PRDM16: variants seen among roughly 807,000 people sequenced by gnomAD.
PRDM16 encodes histone-lysine N-methyltransferase PRDM16.
PRDM16 carries 23 observed loss-of-function variants against 110.6 expected under a neutral mutation model. That is an observed-to-expected ratio of 0.21 (90% CI 0.15 to 0.29). The LOEUF is 0.29. Ranked by LOEUF, PRDM16 falls within the 10% of genes least tolerant of loss-of-function variation. The pLI, the probability that PRDM16 is intolerant of heterozygous loss-of-function variation, is 1.00. For missense variants in PRDM16, 1,615 were observed against 1,794.3 expected (o/e 0.90, Z 1.81); for synonymous variants, 799 against 781.8 (o/e 1.02, Z -0.37).
chr1:3,366,433 A>G (rs1314677765), intron 3 of PRDM16, among the ~76,000 whole-genome samples: 1 of 151,616 alleles, frequency 6.6e-6, no homozygotes, highest in East Asian at 1.9e-4. Context: ...ATGCCGGGAC[A>G]CTCTCTTCCC....
chr1:3,289,606 G>A (rs1459279393), intron 3 of PRDM16, among the ~76,000 whole-genome samples: 1 of 152,232 alleles, frequency 6.6e-6, no homozygotes, highest in Non-Finnish European at 1.5e-5. Context: ...AGCAAGGCCT[G>A]CGGGCAGGTC....
rs1384237990 is a variant in PRDM16, at chr1:3,385,618, C to CGCTT, written c.573+333_573+336dup. ...CAGGGTCCACACTTCCTGCAAATGC[C>CGCTT]GCTTCCCTGAAGGACACGGGAGAAG... On this transcript the variant is annotated intron_variant, in intron 4 of 16. Transcript: ENST00000270722. Among the ~76,000 whole-genome samples the CGCTT allele has an allele frequency of 7.9e-5, 12 of 152,322 alleles. No individual in the cohort carries two copies. In the East Asian group the frequency reaches 2.3e-3, roughly 29 times the overall value.
intron 1 of PRDM16, among the ~76,000 whole-genome samples, chr1:3,116,213 T>C (rs1163327851): frequency 6.6e-6 from 1 of 152,136 alleles, no homozygotes; most frequent in Non-Finnish European, 1.5e-5. Flanking sequence ...CAGGGAGGGA[T>C]GGTTCCAGAC....
intron 3 of PRDM16, among the ~76,000 whole-genome samples, chr1:3,267,380 C>G (rs78400069): frequency 6.6e-5 from 10 of 152,158 alleles, no homozygotes; most frequent in Admixed American, 6.5e-4. Context: ...TATTCCCCTG[C>G]GTGGAGGGGC....
intron 2 of PRDM16, among the ~76,000 whole-genome samples, chr1:3,226,225 T>C (rs1199347020): frequency 6.6e-6 from 1 of 152,238 alleles, no homozygotes; most frequent in Non-Finnish European, 1.5e-5. Context: ...TCATGAGGTC[T>C]GCTCTGCACT....
At chr1:3,347,243 G>A (rs529306691) in intron 3 of PRDM16, among the ~76,000 whole-genome samples, 4 of 152,350 alleles carry the variant, frequency 2.6e-5, no homozygotes, top group South Asian at 2.1e-4. Flanking sequence ...AGGCAGAGGG[G>A]CTCCATCCAG....
At chr1:3,429,549 G>A (rs1019674996) in intron 14 of PRDM16, among the ~76,000 whole-genome samples, 43 of 152,316 alleles carry the variant, frequency 2.8e-4, no homozygotes, top group African/African-American at 9.1e-4. Context: ...GTATGTCCTC[G>A]TGTCATCGAG....
chr1:3,114,477 CAG>C (rs1289298636), intron 1 of PRDM16, among the ~76,000 whole-genome samples: 3 of 147,874 alleles, frequency 2.0e-5, no homozygotes, highest in Admixed American at 6.7e-5. Flanking sequence ...GCAGTGTAAA[CAG>C]ACACGCACGC....
chr1:3,131,287 T>C (rs1281309915), intron 1 of PRDM16, among the ~76,000 whole-genome samples: 1 of 152,250 alleles, frequency 6.6e-6, no homozygotes, highest in Non-Finnish European at 1.5e-5. Context: ...ACTTTGGAGC[T>C]GTTTTCTTCA....
chr1:3,249,312 A>G (rs963772322), intron 3 of PRDM16, among the ~76,000 whole-genome samples: 1 of 152,122 alleles, frequency 6.6e-6, no homozygotes, highest in African/African-American at 2.4e-5. Context: ...GCTGCTATGC[A>G]TGCATCGGGC....
At chr1:3,366,921 G>C (rs539540161) in intron 3 of PRDM16, among the ~76,000 whole-genome samples, 5 of 152,174 alleles carry the variant, frequency 3.3e-5, no homozygotes, top group African/African-American at 1.2e-4. Flanking sequence ...GGGGCTGCAC[G>C]TGCGTGTTTT....
intron 3 of PRDM16, among the ~76,000 whole-genome samples, chr1:3,287,551 C>T (rs866293170): frequency 1.1e-3 from 59 of 51,664 alleles, no homozygotes; most frequent in African/African-American, 7.6e-3. Context: ...GGGCTGGAGC[C>T]GCCCCCTGCC....
At chr1:3,086,202 G>C (rs1433675298) in intron 1 of PRDM16, among the ~76,000 whole-genome samples, 2 of 152,158 alleles carry the variant, frequency 1.3e-5, no homozygotes, top group Non-Finnish European at 2.9e-5. Flanking sequence ...GGGTGAGCTC[G>C]TGAGTGCGTG....
intron 3 of PRDM16, among the ~76,000 whole-genome samples, chr1:3,338,542 C>T (rs558836402): frequency 6.6e-6 from 1 of 152,344 alleles, no homozygotes; most frequent in East Asian, 1.9e-4. Context: ...AAAGCCGCCT[C>T]TTCTGTCTGA....
intron 3 of PRDM16, among the ~76,000 whole-genome samples, chr1:3,319,477 T>C (rs2483266): frequency 0.47 from 71,923 of 151,978 alleles, 18,288 homozygotes; most frequent in African/African-American, 0.67. Flanking sequence ...CCTGGTCCGG[T>C]AGAGCTGAGA....
At chr1:3,181,730 G>GTGCA (rs149978104) in intron 1 of PRDM16, among the ~76,000 whole-genome samples, 1 of 119,772 alleles carries the variant, frequency 8.3e-6, no homozygotes, top group South Asian at 3.0e-4. Flanking sequence ...TCTTACACAC[G>GTGCA]GTCTTACACA....
In PRDM16 at chr1:3,080,386, G is replaced by A. The variant is rs1475378302; in HGVS notation, c.37+11090G>A. The stretch of plus-strand genomic sequence containing the variant: ...CACCGGGGATTTACGGCCGACCCGC[G>A]CTTTCCGATCGGTTTCTCTACCCCG... On this transcript the variant is annotated intron_variant, in intron 1 of 16. Coordinates refer to ENST00000270722, the MANE Select transcript of PRDM16 (RefSeq NM_022114.4). This position sits in a 1 kb window ranked among gnomAD's most constrained non-coding sequence, Gnocchi z 5.2. 6.6e-6 allele frequency among the ~76,000 whole-genome samples: 1 copy of A among 152,106 alleles called. No homozygotes were observed. Among genetic ancestry groups the A allele is most frequent in the Admixed American group, 6.5e-5 (1 of 15,272 alleles).
At chr1:3,226,626 C>A (rs1639294419) in intron 2 of PRDM16, among the ~76,000 whole-genome samples, 1 of 152,212 alleles carries the variant, frequency 6.6e-6, no homozygotes, top group Non-Finnish European at 1.5e-5. Flanking sequence ...CAACAAGGTT[C>A]CTTATTGCCC....
At chr1:3,278,988 G>A (rs559724634) in intron 3 of PRDM16, among the ~76,000 whole-genome samples, 1 of 152,350 alleles carries the variant, frequency 6.6e-6, no homozygotes, top group East Asian at 1.9e-4. Context: ...CGCTGGCCGT[G>A]TGCTCCGTGT....
Sources: allele counts gnomAD v4.1 joint callset (sites outside exome capture counted in the v4.1 genomes callset), GRCh38; gene constraint gnomAD v4.1.1; non-coding constraint Gnocchi (gnomAD v3.1); transcripts MANE v1.5; gene names NCBI Gene and HGNC (gene_info 2026-07-23, HGNC 2026-07-21).